The following CD4 variants were observed in gnomAD, a reference collection of about 807,000 sequenced individuals.
CD4 encodes the protein T-cell surface glycoprotein CD4.
CD4 carries 25 observed loss-of-function variants against 50.5 expected under a neutral mutation model. The observed-to-expected ratio is 0.49, with a 90% CI of 0.36 to 0.69. CD4 has a LOEUF of 0.69. CD4 is among the 30% of genes least tolerant of loss of function. CD4 has a pLI of 0.00. For synonymous variants in CD4, 207 were observed against 221.9 expected, an observed-to-expected ratio of 0.93 and a Z score of 0.60; for missense variants, 456 against 548.5, an observed-to-expected ratio of 0.83 and a Z score of 1.68.
intron 1 of CD4, among the ~76,000 whole-genome samples, chr12:6,797,842 G>A (rs529104545): frequency 2.8e-4 from 42 of 152,310 alleles, no homozygotes; most frequent in African/African-American, 9.9e-4. Context: ...AAAATAGAAT[G>A]TATGATCGGT....
intron 3 of CD4, among the ~76,000 whole-genome samples, chr12:6,801,557 T>C (rs1349732985): frequency 6.7e-6 from 1 of 149,766 alleles, no homozygotes; most frequent in Admixed American, 6.6e-5. Flanking sequence ...TTATTATTAT[T>C]AGTTTATTTA....
chr12:6,802,892 C>T (rs1409043483), intron 3 of CD4, among the ~76,000 whole-genome samples: 2 of 151,862 alleles, frequency 1.3e-5, no homozygotes, highest in East Asian at 1.9e-4. Context: ...TGCCACCATG[C>T]CCAGCTAACT....
intron 1 of CD4, among the ~76,000 whole-genome samples, chr12:6,793,642 TATCTATC>T (rs1303550156): frequency 2.0e-5 from 3 of 149,708 alleles, no homozygotes; most frequent in African/African-American, 7.4e-5. Flanking sequence ...AAATTGTATC[TATCTATC>T]ATCTATCTAT....
In CD4 at chr12:6,811,468, CTTTTCTT is replaced by C. The variant is rs1414439966; in HGVS notation, c.215-2664_215-2658del. On this transcript the variant is annotated intron_variant, in intron 3 of 9. Coordinates refer to ENST00000011653, the MANE Select transcript of CD4 (RefSeq NM_000616.5). Reference sequence around the variant, plus strand: ...ATTTTTATTTTTTAAAACATTTTTTCTTTTCTTTTTTCTTTTCTTTTTCTTTTTTTTT... The same window carrying C: ...ATTTTTATTTTTTAAAACATTTTTTCTTTTCTTTTCTTTTTCTTTTTTTTT... Among the ~76,000 whole-genome samples the C allele has an allele frequency of 1.3e-3, 192 of 142,864 alleles. 4 individuals are homozygous for C. The East Asian group carries it at 0.031, about 23-fold the overall frequency. 93.7% of individuals were successfully genotyped at this position (142,864 alleles called of 152,430 possible). A position where few individuals can be genotyped will look rare whatever the true frequency, so the allele number is the denominator to read the frequency against.
At chr12:6,806,873 A>G (rs1446132830) in intron 3 of CD4, among the ~76,000 whole-genome samples, 2 of 152,200 alleles carry the variant, frequency 1.3e-5, no homozygotes, top group African/African-American at 4.8e-5. Context: ...GTTTCTTATA[A>G]AACAAAACAT....
At chr12:6,819,179 GA>G in intron 9 of CD4, 119 bp from the exon 10 acceptor site, 1 of 1,012,048 alleles carries the variant, frequency 9.9e-7, no homozygotes, top group Non-Finnish European at 1.6e-6. Flanking sequence ...AGCAGGCCAG[GA>G]AAGGCCCTGC....
At chr12:6,814,029 A>C (rs1043539498) in intron 3 of CD4, 113 bp from the exon 4 acceptor site, 2 of 879,370 alleles carry the variant, frequency 2.3e-6, no homozygotes, top group Non-Finnish European at 3.6e-6. Flanking sequence ...AACGAGGAGC[A>C]GATGTTGCAG....
intron 5 of CD4, chr12:6,815,214 G>C (rs1332694301): frequency 1.9e-6 from 1 of 536,276 alleles, no homozygotes; most frequent in Non-Finnish European, 3.3e-6. Context: ...ATGGAGAAAG[G>C]AAAGGCTGGG....
intron 1 of CD4, among the ~76,000 whole-genome samples, chr12:6,794,222 A>G (rs974449682): frequency 2.2e-4 from 31 of 138,092 alleles, no homozygotes; most frequent in African/African-American, 8.5e-4. Flanking sequence ...ACCCACCACC[A>G]CTCCTGGCTA....
rs763211966 is a variant in CD4 at position 6,794,775 on chromosome 12, G to GTTTTTT, written c.-68+5118_-68+5123dup. ...ATCTAATCTATCTGTCTGTATGTCT[G>GTTTTTT]TTTTTTTTTTGTTTTTTTTTTTTTT... On this transcript the variant is annotated intron_variant, in intron 1 of 9. Coordinates refer to ENST00000011653, the MANE Select transcript of CD4 (RefSeq NM_000616.5). 1.1e-3 allele frequency among the ~76,000 whole-genome samples: 128 copies of GTTTTTT among 112,470 alleles called. 5 individuals are homozygous for GTTTTTT. Among genetic ancestry groups the GTTTTTT allele is most frequent in the Non-Finnish European group, 1.5e-3 (85 of 55,534 alleles). 73.8% of individuals were successfully genotyped at this position (112,470 alleles called of 152,430 possible).
chr12:6,804,111 A>AAAATAAATAAATAAAT (rs141689932), intron 3 of CD4, among the ~76,000 whole-genome samples: 2 of 144,688 alleles, frequency 1.4e-5, no homozygotes, highest in African/African-American at 5.2e-5. Context: ...ACTCTGTCTC[A>AAAATAAATAAATAAAT]AAATAAATAA....
intron 1 of CD4, 98 bp from the exon 2 acceptor site, chr12:6,799,974 G>T: frequency 1.6e-6 from 1 of 634,158 alleles, no homozygotes; most frequent in East Asian, 2.7e-5. Flanking sequence ...AAGTTCACTA[G>T]GCTGGCTGCA....
chr12:6,819,376 C>A lies in CD4; in HGVS notation c.*47C>A. ...CACTTGCAGCCTCCCCAGGTGTCTG[C>A]CCCGCGTTTCCTGCCTGCGGACCAG... On this transcript the variant is annotated 3_prime_UTR_variant, in exon 10 of 10. Transcript: ENST00000011653. 6.3e-7 allele frequency: 1 copy of A among 1,583,532 alleles called. No homozygotes were observed. The highest frequency in any genetic ancestry group is 8.7e-7 in the Non-Finnish European group (1 of 1,152,254).
At position 6,792,826 on chromosome 12, in the gene CD4, C is replaced by G. The variant is rs1189304759; in HGVS notation, c.-68+3164C>G. 6.6e-6 allele frequency among the ~76,000 whole-genome samples: 1 copy of G among 152,120 alleles called. No individual in the cohort carries two copies. Among genetic ancestry groups the G allele is most frequent in the Middle Eastern group, 3.2e-3 (1 of 316 alleles). ...GCATTCCAGGGGAGCCCGGGAGAGCCAGCACGGCCGCCTGGTATATGAGGC... is the reference window on the plus strand; with the variant it reads ...GCATTCCAGGGGAGCCCGGGAGAGCGAGCACGGCCGCCTGGTATATGAGGC... On this transcript the variant is annotated intron_variant, in intron 1 of 9. Transcript: ENST00000011653. The surrounding 1 kb of genome is among the most constrained non-coding windows in gnomAD (Gnocchi z 4.1).
At chr12:6,802,610 T>C (rs1383780857) in intron 3 of CD4, among the ~76,000 whole-genome samples, 1 of 151,820 alleles carries the variant, frequency 6.6e-6, no homozygotes, top group Non-Finnish European at 1.5e-5. Context: ...ATGTGGCCTA[T>C]TTTCTTCCAC....
rs1338006257 is a variant in CD4 at position 6,816,487 on chromosome 12, C to T, written c.955+84C>T. 8.8e-7 allele frequency: 1 copy of T among 1,136,328 alleles called. No individual in the cohort carries two copies. The highest frequency in any genetic ancestry group is 1.2e-6 in the Non-Finnish European group (1 of 808,626). 70.4% of individuals were successfully genotyped at this position (1,136,328 alleles called of 1,614,324 possible). Reference sequence around the variant, plus strand: ...GGGCTCCCTCTGAGGCAAGCCAGGCCCCAAGAGGGGATGCCTAGGCCCTGG... The same window carrying T: ...GGGCTCCCTCTGAGGCAAGCCAGGCTCCAAGAGGGGATGCCTAGGCCCTGG... On this transcript the variant is annotated intron_variant, in intron 6 of 9. Coordinates refer to ENST00000011653, the MANE Select transcript of CD4 (RefSeq NM_000616.5). This position sits in a 1 kb window ranked among gnomAD's most constrained non-coding sequence, Gnocchi z 4.9.
chr12:6,817,412 C>A lies in CD4; in HGVS notation c.1156+82C>A, dbSNP rs1406956884. Reference sequence around the variant, plus strand: ...TGGCAGAGACCACCCAGAGTCCCGGCCTCCCAATGCCTGAGTTGGGGGGTT... The same window carrying A: ...TGGCAGAGACCACCCAGAGTCCCGGACTCCCAATGCCTGAGTTGGGGGGTT... On this transcript the variant is annotated intron_variant, in intron 7 of 9. Coordinates refer to ENST00000011653, the MANE Select transcript of CD4 (RefSeq NM_000616.5). 1.1e-5 allele frequency: 13 copies of A among 1,191,124 alleles called. No homozygotes were observed. The African/African-American group carries it at 1.7e-4, about 15-fold the overall frequency. The allele number at this position is 1,191,124 out of a possible 1,614,324, so 73.8% of individuals were successfully genotyped here.
Position 6,816,254 on chromosome 12 carries a change from A to G in CD4, c.806A>G (p.Asp269Gly), listed in dbSNP as rs782575289. 1 of 1,614,116 alleles carries G rather than the reference A, an allele frequency of 6.2e-7. No individual in the cohort carries two copies. The highest frequency in any genetic ancestry group is 1.7e-5 in the Admixed American group (1 of 60,026). Residue 269 changes from aspartate to glycine, a missense_variant, in exon 6 of 10, where the codon GAC becomes GGC. Transcript: ENST00000011653. This position sits in a 1 kb window ranked among gnomAD's most constrained non-coding sequence, Gnocchi z 4.9. Reference protein sequence around the residue: ...KEVSVKRVTQDPKLQMGKKLP... With the variant: ...KEVSVKRVTQGPKLQMGKKLP... ...GTGTCTGTAAAACGGGTTACCCAGGACCCTAAGCTCCAGATGGGCAAGAAG... is the reference window on the plus strand; with the variant it reads ...GTGTCTGTAAAACGGGTTACCCAGGGCCCTAAGCTCCAGATGGGCAAGAAG...
At chr12:6,796,177 C>T (rs1443728557) in intron 1 of CD4, among the ~76,000 whole-genome samples, 1 of 152,230 alleles carries the variant, frequency 6.6e-6, no homozygotes, top group East Asian at 1.9e-4. Flanking sequence ...GGTGGCCACA[C>T]AGCTGGCTAG....
Sources: gnomAD v4.1 joint callset for allele counts (sites outside exome capture counted in the v4.1 genomes callset) on GRCh38, gnomAD v4.1.1 for gene constraint, Gnocchi (gnomAD v3.1) non-coding constraint, MANE v1.5 for transcripts, NCBI Gene and HGNC (gene_info 2026-07-23, HGNC 2026-07-21) for gene names.